The following IL1RAPL1 variants were observed in gnomAD, a reference collection of about 807,000 sequenced individuals.
IL1RAPL1 encodes the protein interleukin-1 receptor accessory protein-like 1.
A neutral mutation model predicts 48.4 loss-of-function variants in IL1RAPL1; 3 were observed. That is an observed-to-expected ratio of 0.06 (90% CI 0.03 to 0.16). The LOEUF (loss-of-function observed/expected upper bound fraction) is 0.16. Among genes scored for constraint, IL1RAPL1 ranks in the 10% least tolerant of loss-of-function variants. IL1RAPL1 has a pLI of 1.00. For missense variants in IL1RAPL1, 349 were observed against 530.6 expected, an observed-to-expected ratio of 0.66 and a Z score of 3.36; for synonymous variants, 185 against 187.7, an observed-to-expected ratio of 0.99 and a Z score of 0.12.
intron 6 of IL1RAPL1, among the ~76,000 whole-genome samples, chrX:29,859,361 A>G (rs1370100987): frequency 4.5e-5 from 5 of 111,868 alleles, no homozygotes; most frequent in Non-Finnish European, 1.9e-5. Flanking sequence ...CTCCATAGCC[A>G]ATCTACCACC....
chrX:28,683,850 C>A (rs752780013), intron 1 of IL1RAPL1, among the ~76,000 whole-genome samples: 1 of 112,212 alleles, frequency 8.9e-6, no homozygotes, highest in East Asian at 2.8e-4. Flanking sequence ...CTGACCTCTC[C>A]GTTCATCATC....
chrX:29,489,221 A>AG lies in IL1RAPL1; in HGVS notation c.703+89918dup, dbSNP rs1282404022. 9.9e-5 allele frequency among the ~76,000 whole-genome samples: 11 copies of AG among 111,503 alleles called. No individual in the cohort carries two copies. The East Asian group carries it at 2.5e-3, about 26-fold the overall frequency. Reference sequence around the variant, plus strand: ...GCTTTAACTTGAGCATCTCAGCCACAGGGGGTTTATTTTATCTATATGTTG... The same window carrying AG: ...GCTTTAACTTGAGCATCTCAGCCACAGGGGGGTTTATTTTATCTATATGTTG... On this transcript the variant is annotated intron_variant, in intron 5 of 10. Coordinates refer to ENST00000378993, the MANE Select transcript of IL1RAPL1 (RefSeq NM_014271.4).
At chrX:29,807,216 GTAATC>G (rs1355860021) in intron 6 of IL1RAPL1, among the ~76,000 whole-genome samples, 2 of 109,154 alleles carry the variant, frequency 1.8e-5, no homozygotes, top group African/African-American at 6.7e-5. Context: ...TCAATTTCAC[GTAATC>G]TAGAGAGTTT....
intron 2 of IL1RAPL1, among the ~76,000 whole-genome samples, chrX:29,280,737 C>A (rs1005003194): frequency 9.0e-5 from 10 of 111,652 alleles, no homozygotes; most frequent in African/African-American, 3.3e-4. Context: ...AGACAGAAAG[C>A]AAAGTGGATG....
At chrX:29,119,168 T>C (rs991429440) in intron 2 of IL1RAPL1, among the ~76,000 whole-genome samples, 1 of 111,392 alleles carries the variant, frequency 9.0e-6, no homozygotes, top group South Asian at 3.8e-4. Flanking sequence ...TACATATATT[T>C]ACATAGATGT....
intron 5 of IL1RAPL1, among the ~76,000 whole-genome samples, chrX:29,640,528 T>C (rs1414232014): frequency 8.9e-6 from 1 of 112,156 alleles, no homozygotes; most frequent in Non-Finnish European, 1.9e-5. Flanking sequence ...AAATTTCTGA[T>C]CTGTCCACCC....
At chrX:29,550,064 C>T (rs1921752200) in intron 5 of IL1RAPL1, among the ~76,000 whole-genome samples, 1 of 112,020 alleles carries the variant, frequency 8.9e-6, no homozygotes. Flanking sequence ...AAAAAATTCT[C>T]ATGAACAACT....
intron 2 of IL1RAPL1, among the ~76,000 whole-genome samples, chrX:29,144,498 G>A (rs761221555): frequency 9.6e-6 from 1 of 103,735 alleles, no homozygotes; most frequent in African/African-American, 3.5e-5. Context: ...AGCTACTTGG[G>A]AGGCTGAGGC....
intron 9 of IL1RAPL1, 126 bp downstream of exon 9, chrX:29,941,920 C>A: frequency 1.7e-6 from 1 of 586,988 alleles, no homozygotes; most frequent in Non-Finnish European, 2.8e-6. Flanking sequence ...TTTCAGTGCT[C>A]AGTTTGTAAA....
At chrX:28,768,749 C>CTATATA (rs1333539964) in intron 1 of IL1RAPL1, among the ~76,000 whole-genome samples, 35 of 69,766 alleles carry the variant, frequency 5.0e-4, no homozygotes, top group South Asian at 8.4e-4. Context: ...CTCTCTCTCT[C>CTATATA]TCTCTCTATA....
At position 29,278,509 on chromosome X, in the gene IL1RAPL1, G is replaced by A. The variant is rs771034423; in HGVS notation, c.83-4429G>A. ...TATGTTGAACTGGAGTATTTCCATA[G>A]AATCCTCCCATCAGGGAAGGAGAGT... is the stretch of plus-strand genomic sequence containing the variant. On this transcript the variant is annotated intron_variant, in intron 2 of 10. Transcript: ENST00000378993. Among the ~76,000 whole-genome samples, 4 of 111,987 alleles carry A rather than the reference G, an allele frequency of 3.6e-5. No homozygotes were observed. The East Asian group carries it at 1.1e-3, about 31-fold the overall frequency.
intron 1 of IL1RAPL1, among the ~76,000 whole-genome samples, chrX:28,630,562 G>A (rs956798688): frequency 1.8e-5 from 2 of 111,724 alleles, no homozygotes; most frequent in African/African-American, 3.3e-5. Context: ...AGCTTCTTCA[G>A]CTGTCCCTGC....
At chrX:28,876,108 C>G (rs1241779075) in intron 2 of IL1RAPL1, among the ~76,000 whole-genome samples, 5 of 111,309 alleles carry the variant, frequency 4.5e-5, no homozygotes, top group Admixed American at 9.6e-5. Flanking sequence ...AGCCAGGAGC[C>G]AAATAAATCT....
chrX:28,829,157 G>T (rs1420913089), intron 2 of IL1RAPL1, among the ~76,000 whole-genome samples: 1 of 111,507 alleles, frequency 9.0e-6, no homozygotes, highest in Non-Finnish European at 1.9e-5. Flanking sequence ...CATTGTAAGT[G>T]TATGGAAATC....
At chrX:29,609,425 C>T (rs1293158123) in intron 5 of IL1RAPL1, among the ~76,000 whole-genome samples, 1 of 111,871 alleles carries the variant, frequency 8.9e-6, no homozygotes, top group Non-Finnish European at 1.9e-5. Flanking sequence ...GGATGAGTTT[C>T]CTGTATTTAA....
chrX:29,765,087 G>A (rs932991963), intron 6 of IL1RAPL1, among the ~76,000 whole-genome samples: 3 of 112,381 alleles, frequency 2.7e-5, no homozygotes, highest in African/African-American at 9.7e-5. Context: ...AATAGTTTGT[G>A]TGGTTAATTC....
At chrX:29,243,092 G>A (rs1931450513) in intron 2 of IL1RAPL1, among the ~76,000 whole-genome samples, 1 of 111,769 alleles carries the variant, frequency 8.9e-6, no homozygotes, top group South Asian at 3.8e-4. Flanking sequence ...CCCCATATAT[G>A]GTAAAGAGGA....
intron 5 of IL1RAPL1, among the ~76,000 whole-genome samples, chrX:29,640,216 A>C (rs1012505209): frequency 6.2e-5 from 7 of 112,445 alleles, no homozygotes; most frequent in Non-Finnish European, 1.1e-4. Flanking sequence ...ACCCAGGGGC[A>C]CCACAGCTGC....
intron 6 of IL1RAPL1, among the ~76,000 whole-genome samples, chrX:29,863,863 T>C (rs968778384): frequency 9.0e-6 from 1 of 111,222 alleles, no homozygotes; most frequent in African/African-American, 3.3e-5. Flanking sequence ...CTCAGCTCAC[T>C]GTAACCTCCG....
Sources: gnomAD v4.1 joint callset for allele counts (sites outside exome capture counted in the v4.1 genomes callset) on GRCh38, gnomAD v4.1.1 for gene constraint, MANE v1.5 for transcripts, NCBI Gene and HGNC (gene_info 2026-07-23, HGNC 2026-07-21) for gene names.